The following CDC73 variants were observed in gnomAD, a reference collection of about 807,000 sequenced individuals.
CDC73 encodes cell division cycle 73.
CDC73 carries 21 observed loss-of-function variants against 83.7 expected under a neutral mutation model. The ratio of observed to expected loss-of-function variants is 0.25; its 90% CI spans 0.18 to 0.36. CDC73 has a LOEUF of 0.36. CDC73 is among the 10% of genes least tolerant of loss of function. CDC73 has a pLI of 1.00. For synonymous variants in CDC73, 224 were observed against 212.9 expected (o/e 1.05, Z -0.45); for missense variants, 342 against 653.3 (o/e 0.52, Z 5.19).
At chr1:193,203,945 A>G in intron 11 of CDC73, 93 bp downstream of exon 11, 2 of 1,010,520 alleles carry the variant, frequency 2.0e-6, no homozygotes, top group Non-Finnish European at 3.1e-6. Flanking sequence ...ACAAACTTAA[A>G]TTTTACTTAA....
intron 10 of CDC73, among the ~76,000 whole-genome samples, chr1:193,189,604 G>T (rs1490245632): frequency 6.6e-6 from 1 of 152,180 alleles, no homozygotes; most frequent in African/African-American, 2.4e-5. Flanking sequence ...CATCCGTGAT[G>T]GCAAAATAGG....
intron 15 of CDC73, among the ~76,000 whole-genome samples, chr1:193,242,713 A>C (rs187359281): frequency 6.6e-6 from 1 of 152,252 alleles, no homozygotes; most frequent in East Asian, 1.9e-4. Flanking sequence ...TTTATTTAAT[A>C]ATCTTCTGTA....
At chr1:193,227,561 T>C (rs1677586366) in intron 13 of CDC73, among the ~76,000 whole-genome samples, 1 of 152,148 alleles carries the variant, frequency 6.6e-6, no homozygotes, top group Admixed American at 6.5e-5. Flanking sequence ...AATAATAATT[T>C]TAAAAGCCCA....
intron 10 of CDC73, 23 bp downstream of exon 10, chr1:193,152,467 G>T: frequency 1.3e-6 from 2 of 1,503,096 alleles, no homozygotes; most frequent in Non-Finnish European, 1.9e-6. Context: ...GGCTGTAGAT[G>T]TTCTTTTGTT....
At chr1:193,232,916 A>G in intron 13 of CDC73, 77 bp from the exon 14 acceptor site, 1 of 1,312,908 alleles carries the variant, frequency 7.6e-7, no homozygotes, top group Non-Finnish European at 1.1e-6. Context: ...AAAAAAAAAT[A>G]TTTCAAATTA....
intron 15 of CDC73, among the ~76,000 whole-genome samples, chr1:193,244,954 A>C (rs988629517): frequency 2.0e-5 from 3 of 152,220 alleles, no homozygotes; most frequent in African/African-American, 7.2e-5. Context: ...ACAATAATGC[A>C]TAATGTGTAG....
chr1:193,127,289 A>ATGTG (rs34948918), intron 2 of CDC73, among the ~76,000 whole-genome samples: 55,792 of 142,924 alleles, frequency 0.39, 11,102 homozygotes, highest in South Asian at 0.57. Context: ...AAAAAAAAAA[A>ATGTG]TGTGTGTGTG....
Position 193,245,816 on chromosome 1 carries a change from A to G in CDC73, c.1418-3914A>G, listed in dbSNP as rs879518820. The stretch of plus-strand genomic sequence containing the variant: ...CATTTGGTATTTTCTTGTCTTTTGT[A>G]TAATAGCCATCCTAACTGGAGTGAG... On this transcript the variant is annotated intron_variant, in intron 15 of 16. Transcript: ENST00000367435. 9.9e-5 allele frequency among the ~76,000 whole-genome samples: 15 copies of G among 152,060 alleles called. 1 individual carries two copies. The highest frequency in any genetic ancestry group is 3.3e-4 in the Admixed American group (5 of 15,256).
chr1:193,143,889 C>G (rs962359216), intron 7 of CDC73, among the ~76,000 whole-genome samples: 10 of 151,888 alleles, frequency 6.6e-5, no homozygotes, highest in Admixed American at 5.9e-4. Context: ...GTGGGTGGAC[C>G]AGTTGAGGTC....
At chr1:193,223,159 T>G (rs1393646551) in intron 13 of CDC73, among the ~76,000 whole-genome samples, 1 of 152,184 alleles carries the variant, frequency 6.6e-6, no homozygotes. Flanking sequence ...GAGTCCTTAG[T>G]CATCTTCCTT....
chr1:193,141,776 A>T, intron 6 of CDC73, 74 bp from the exon 7 acceptor site: 1 of 990,326 alleles, frequency 1.0e-6, no homozygotes, highest in South Asian at 1.4e-5. Context: ...GAAATTTATA[A>T]ATGTAACAAA....
At chr1:193,139,053 C>T (rs575604341) in intron 6 of CDC73, among the ~76,000 whole-genome samples, 3 of 152,116 alleles carry the variant, frequency 2.0e-5, no homozygotes, top group South Asian at 2.1e-4. Context: ...GGATTACAGG[C>T]GTGAGCCACC....
rs566133926 is a variant in CDC73, at chr1:193,245,751, A to G, written c.1418-3979A>G. On this transcript the variant is annotated intron_variant, in intron 15 of 16. Transcript: ENST00000367435. ...GCTCTACTAGTTTATATTCCCACCA[A>G]CAATGTATAAGAGTTGCCCTTTCTC... 7.2e-5 allele frequency among the ~76,000 whole-genome samples: 11 copies of G among 152,228 alleles called. No homozygotes were observed. In the East Asian group the frequency reaches 1.9e-3, roughly 27 times the overall value.
intron 3 of CDC73, among the ~76,000 whole-genome samples, chr1:193,132,780 C>T (rs1452564074): frequency 1.3e-5 from 2 of 151,712 alleles, no homozygotes; most frequent in African/African-American, 2.4e-5. Flanking sequence ...TCTTAAGCAT[C>T]GCAGGTGAGC....
chr1:193,164,651 A>G (rs1676403699), intron 10 of CDC73, among the ~76,000 whole-genome samples: 1 of 152,182 alleles, frequency 6.6e-6, no homozygotes, highest in Admixed American at 6.5e-5. Context: ...CTTCATTAAA[A>G]AAAAGGACTT....
intron 3 of CDC73, among the ~76,000 whole-genome samples, chr1:193,134,133 C>T (rs1675744744): frequency 6.6e-6 from 1 of 151,814 alleles, no homozygotes; most frequent in South Asian, 2.1e-4. Context: ...AGCTTTTTTA[C>T]CAGTTGTGAA....
intron 1 of CDC73, among the ~76,000 whole-genome samples, chr1:193,123,180 T>A (rs1469080118): frequency 6.6e-6 from 1 of 152,162 alleles, no homozygotes; most frequent in African/African-American, 2.4e-5. Flanking sequence ...AATGGAAGCT[T>A]TATGAAGAGT....
In CDC73 at chr1:193,252,098, AG is replaced by A. The variant is rs1346607879; in HGVS notation, c.*1387del. ...GTTATTATTTTTTAAGTGATCACAT[AG>A]TTCATACCACTAGTAACTAGAAAAG... On this transcript the variant is annotated 3_prime_UTR_variant, in exon 17 of 17. Transcript: ENST00000367435. 8.6e-6 allele frequency: 2 copies of A among 231,260 alleles called. No homozygotes were observed. The highest frequency in any genetic ancestry group is 4.4e-5 in the African/African-American group (2 of 45,274). The allele number at this position is 231,260 out of a possible 1,614,324, so 14.3% of individuals were successfully genotyped here. A position where few individuals can be genotyped will look rare whatever the true frequency, so the allele number is the denominator to read the frequency against.
intron 10 of CDC73, among the ~76,000 whole-genome samples, chr1:193,199,390 C>G (rs1572193263): frequency 6.6e-6 from 1 of 151,794 alleles, no homozygotes; most frequent in South Asian, 2.1e-4. Context: ...GAGGCCTGAT[C>G]CCTTAAAAAA....
Sources: allele counts gnomAD v4.1 joint callset (sites outside exome capture counted in the v4.1 genomes callset), GRCh38; gene constraint gnomAD v4.1.1; transcripts MANE v1.5; gene names NCBI Gene and HGNC (gene_info 2026-07-23, HGNC 2026-07-21).